LRRC52: variants seen among roughly 807,000 people sequenced by gnomAD.
LRRC52 encodes the protein leucine rich repeat containing 52.
In LRRC52, 15 loss-of-function variants were observed where a neutral mutation model predicts 14.7. The observed-to-expected ratio is 1.02, with a 90% CI of 0.68 to 1.58. LRRC52 has a LOEUF of 1.58. LRRC52 is among the 40% of genes most tolerant of loss of function. The pLI is 0.00. For synonymous variants in LRRC52, 180 were observed against 163.9 expected (o/e 1.10, Z -0.75); for missense variants, 400 against 387.7 (o/e 1.03, Z -0.27).
intron 1 of LRRC52, among the ~76,000 whole-genome samples, chr1:165,561,222 G>T (rs751490007): frequency 2.0e-5 from 3 of 152,090 alleles, no homozygotes; most frequent in Non-Finnish European, 2.9e-5. Context: ...CTCCAAAATG[G>T]GGAAACGTGT....
chr1:165,555,979 C>G (rs950673218), intron 1 of LRRC52, among the ~76,000 whole-genome samples: 3 of 152,258 alleles, frequency 2.0e-5, no homozygotes, highest in Non-Finnish European at 2.9e-5. Flanking sequence ...CCAAGAAGAA[C>G]CTGGTCCCAG....
chr1:165,563,946 C>A lies in LRRC52; in HGVS notation c.*122C>A. On this transcript the variant is annotated 3_prime_UTR_variant, in exon 2 of 2. Transcript: ENST00000294818. The stretch of plus-strand genomic sequence containing the variant: ...AACCTTCTAGTAAAATAAATAAAAT[C>A]TCTGATGGCCATTTCACAGGTTGGT... 3.7e-6 allele frequency: 4 copies of A among 1,072,062 alleles called. No individual in the cohort carries two copies. Among genetic ancestry groups the A allele is most frequent in the South Asian group, 1.6e-5 (1 of 62,062 alleles). 66.4% of individuals were successfully genotyped at this position (1,072,062 alleles called of 1,614,324 possible). A position where few individuals can be genotyped will look rare whatever the true frequency, so the allele number is the denominator to read the frequency against.
At position 165,544,256 on chromosome 1, in the gene LRRC52, C is replaced by T; in HGVS notation, c.-41C>T. 2 of 1,567,096 alleles carry T rather than the reference C, an allele frequency of 1.3e-6. No individual in the cohort carries two copies. Among genetic ancestry groups the T allele is most frequent in the Non-Finnish European group, 1.7e-6 (2 of 1,154,960 alleles). On this transcript the variant is annotated 5_prime_UTR_variant, in exon 1 of 2. Transcript: ENST00000294818. Reference sequence around the variant, plus strand: ...GCAGCCTTCGGATCAGAGGACAGAGCCCGCAGGAAGGTGAAAGGAGGGTGG... The same window carrying T: ...GCAGCCTTCGGATCAGAGGACAGAGTCCGCAGGAAGGTGAAAGGAGGGTGG...
rs1660986423 is a variant in LRRC52 at position 165,544,900 on chromosome 1, T to C, written c.604T>C (p.Phe202Leu). The change falls in exon 1 of 2, where the codon TTC becomes CTC. Residue 202 changes from phenylalanine to leucine, a missense_variant. Coordinates refer to ENST00000294818, the MANE Select transcript of LRRC52 (RefSeq NM_001005214.4). ...GGACTTCGCCATCTTCTTAATAGTG[T>C]TCCATATGGACCCCTCAGGTGAGGG... ...FLDFAIFLIV[F>L]HMDPSDDLNA... 1 of 1,614,112 alleles carries C rather than the reference T, an allele frequency of 6.2e-7. No homozygotes were observed. The highest frequency in any genetic ancestry group is 2.2e-5 in the East Asian group (1 of 44,880).
chr1:165,563,741 G>C lies in LRRC52; in HGVS notation c.859G>C (p.Glu287Gln). ...RHKSSEEDED[E>Q]AGTRVEVSRR... The stretch of plus-strand genomic sequence containing the variant: ...CAAGTCGAGTGAAGAAGATGAGGAC[G>C]AGGCCGGGACTAGGGTGGAAGTCAG... Residue 287 changes from glutamate (E) to glutamine (Q), a missense_variant, in exon 2 of 2, where the codon GAG (glutamate) becomes CAG (glutamine). Physicochemically the swap from Glu to Gln is conservative, Grantham distance 29. Transcript: ENST00000294818. 6.2e-7 allele frequency: 1 copy of C among 1,614,124 alleles called. No homozygotes were observed. The highest frequency in any genetic ancestry group is 1.1e-5 in the South Asian group (1 of 91,066).
rs147129626 is a variant in LRRC52, at chr1:165,548,005, A to G, written c.622+3087A>G. Among the ~76,000 whole-genome samples the G allele has an allele frequency of 5.8e-3, 876 of 152,296 alleles. 5 individuals are homozygous for G. The highest frequency in any genetic ancestry group is 0.02 in the African/African-American group (838 of 41,570). ...TGAAGTTTCAAACTTAAGCCCACCT[A>G]TTTATACCACATTTGTTATCAAAAT... On this transcript the variant is annotated intron_variant, in intron 1 of 1. Transcript: ENST00000294818.
At chr1:165,548,224 G>A (rs1274212343) in intron 1 of LRRC52, among the ~76,000 whole-genome samples, 1 of 152,168 alleles carries the variant, frequency 6.6e-6, no homozygotes. Flanking sequence ...TCACTGTAGT[G>A]TAATATTAAG....
At chr1:165,559,824 A>G (rs539844427) in intron 1 of LRRC52, among the ~76,000 whole-genome samples, 1 of 152,362 alleles carries the variant, frequency 6.6e-6, no homozygotes, top group East Asian at 1.9e-4. Context: ...TGAAACATAC[A>G]TACATTTAAG....
intron 1 of LRRC52, among the ~76,000 whole-genome samples, chr1:165,546,173 C>T (rs1183079271): frequency 6.6e-6 from 1 of 152,054 alleles, no homozygotes; most frequent in Non-Finnish European, 1.5e-5. Flanking sequence ...TGGGATGAGG[C>T]AAGCAGGGCT....
intron 1 of LRRC52, among the ~76,000 whole-genome samples, chr1:165,553,517 G>A (rs555534353): frequency 2.0e-5 from 3 of 152,306 alleles, no homozygotes; most frequent in Non-Finnish European, 4.4e-5. Flanking sequence ...GCTAGTTGGA[G>A]AGAAAACAAA....
At chr1:165,552,395 A>G (rs1346897590) in intron 1 of LRRC52, among the ~76,000 whole-genome samples, 2 of 152,318 alleles carry the variant, frequency 1.3e-5, no homozygotes, top group East Asian at 1.9e-4. Context: ...GTAATCCTAC[A>G]AAGGATGGAT....
rs144838654 is a variant in LRRC52, at chr1:165,563,786, C to A, written c.904C>A (p.Gln302Lys). 2,905 of 1,614,178 alleles carry A rather than the reference C, an allele frequency of 1.8e-3. 4 individuals are homozygous for A. Among genetic ancestry groups the A allele is most frequent in the Non-Finnish European group, 2.0e-3 (2,365 of 1,180,030 alleles). Residue 302 changes from glutamine (Q) to lysine (K), a missense_variant, in exon 2 of 2, where the codon CAG becomes AAG. Physicochemically the swap from Gln to Lys is moderately conservative, Grantham distance 53 (BLOSUM62 1). Coordinates refer to ENST00000294818, the MANE Select transcript of LRRC52 (RefSeq NM_001005214.4). ...VEVSRRIFQT[Q>K]TSSVQEFPQL... Reference sequence around the variant, plus strand: ...AGTCAGCCGGCGGATTTTTCAAACCCAGACGAGCTCGGTCCAGGAGTTCCC... The same window carrying A: ...AGTCAGCCGGCGGATTTTTCAAACCAAGACGAGCTCGGTCCAGGAGTTCCC...
At chr1:165,545,090 T>G (rs1476788389) in intron 1 of LRRC52, among the ~76,000 whole-genome samples, 172 bp downstream of exon 1, 1 of 152,132 alleles carries the variant, frequency 6.6e-6, no homozygotes, top group East Asian at 1.9e-4. Context: ...TAAGAAAAAG[T>G]TCTGAAATAG....
chr1:165,550,367 T>C (rs1661107810), intron 1 of LRRC52, among the ~76,000 whole-genome samples: 1 of 152,216 alleles, frequency 6.6e-6, no homozygotes, highest in Non-Finnish European at 1.5e-5. Flanking sequence ...AGTCTATATA[T>C]ATGGTGTCGG....
chr1:165,557,603 G>A (rs1393877673), intron 1 of LRRC52, among the ~76,000 whole-genome samples: 2 of 152,084 alleles, frequency 1.3e-5, no homozygotes, highest in Admixed American at 6.6e-5. Flanking sequence ...AAATGAATAG[G>A]TGGCAAATCA....
intron 1 of LRRC52, among the ~76,000 whole-genome samples, chr1:165,556,164 C>A (rs186447044): frequency 2.0e-5 from 3 of 152,324 alleles, no homozygotes; most frequent in East Asian, 3.9e-4. Context: ...GTTCTGGGTA[C>A]TGACAAGCCC....
At chr1:165,550,885 C>T (rs1661116714) in intron 1 of LRRC52, among the ~76,000 whole-genome samples, 1 of 152,140 alleles carries the variant, frequency 6.6e-6, no homozygotes, top group Non-Finnish European at 1.5e-5. Context: ...ACTCACTTTC[C>T]TTCTTCAAGA....
chr1:165,556,178 A>G (rs1247832629), intron 1 of LRRC52, among the ~76,000 whole-genome samples: 1 of 152,234 alleles, frequency 6.6e-6, no homozygotes, highest in African/African-American at 2.4e-5. Context: ...CAAGCCCATG[A>G]GAAGGAATTA....
intron 1 of LRRC52, among the ~76,000 whole-genome samples, chr1:165,546,052 T>C (rs1661014418): frequency 6.6e-6 from 1 of 152,064 alleles, no homozygotes; most frequent in African/African-American, 2.4e-5. Context: ...AATGACAGAC[T>C]TCAAGGAGAA....
Sources: gnomAD v4.1 joint callset for allele counts (sites outside exome capture counted in the v4.1 genomes callset) on GRCh38, gnomAD v4.1.1 for gene constraint, MANE v1.5 for transcripts, NCBI Gene and HGNC (gene_info 2026-07-23, HGNC 2026-07-21) for gene names.